The following KCNQ1 variants were observed in gnomAD, a reference collection of about 807,000 sequenced individuals.
The protein encoded by KCNQ1 is potassium voltage-gated channel subfamily Q member 1.
In KCNQ1, 49 loss-of-function variants were observed where a neutral mutation model predicts 72.4. That is an observed-to-expected ratio of 0.68 (90% CI 0.54 to 0.86). The LOEUF is 0.86. KCNQ1 is among the 40% of genes least tolerant of loss of function. The pLI is 0.00. For missense variants in KCNQ1, 790 were observed against 945.1 expected, an observed-to-expected ratio of 0.84 and a Z score of 2.15; for synonymous variants, 450 against 412.6, an observed-to-expected ratio of 1.09 and a Z score of -1.10.
rs1252432270 is a variant in KCNQ1, at chr11:2,826,495, C to T, written c.1795-21272C>T. Among the ~76,000 whole-genome samples, 3 of 152,218 alleles carry T rather than the reference C, an allele frequency of 2.0e-5. No homozygotes were observed. Among genetic ancestry groups the T allele is most frequent in the Admixed American group, 6.5e-5 (1 of 15,282 alleles). On this transcript the variant is annotated intron_variant, in intron 15 of 15. Transcript: ENST00000155840. The surrounding 1 kb of genome is among the most constrained non-coding windows in gnomAD (Gnocchi z 4.2). Reference sequence around the variant, plus strand: ...ACTCAGGCAGACCCGGCGTTGGGTGCGCCAGGCCGGTGTGGGAGCACTTTC... The same window carrying T: ...ACTCAGGCAGACCCGGCGTTGGGTGTGCCAGGCCGGTGTGGGAGCACTTTC...
intron 1 of KCNQ1, among the ~76,000 whole-genome samples, chr11:2,453,037 G>C (rs548097594): frequency 6.6e-6 from 1 of 152,346 alleles, no homozygotes; most frequent in African/African-American, 2.4e-5. Context: ...TGACTTGAAT[G>C]CTAGATGCGT....
Position 2,813,611 on chromosome 11 carries a change from G to C in KCNQ1, c.1795-34156G>C, listed in dbSNP as rs987432716. Among the ~76,000 whole-genome samples, 1 of 152,094 alleles carries C rather than the reference G, an allele frequency of 6.6e-6. No homozygotes were observed. Among genetic ancestry groups the C allele is most frequent in the African/African-American group, 2.4e-5 (1 of 41,416 alleles). On this transcript the variant is annotated intron_variant, in intron 15 of 15. Transcript: ENST00000155840. This position sits in a 1 kb window ranked among gnomAD's most constrained non-coding sequence, Gnocchi z 4.4. Reference sequence around the variant, plus strand: ...GAGGGGGCAGGGACTCAAAGGATGAGAGAAGGAACAGAGGGGAGGACCAAC... The same window carrying C: ...GAGGGGGCAGGGACTCAAAGGATGACAGAAGGAACAGAGGGGAGGACCAAC...
At chr11:2,656,216 A>G in intron 10 of KCNQ1, 1 of 398,620 alleles carries the variant, frequency 2.5e-6, no homozygotes, top group East Asian at 3.6e-5. Flanking sequence ...TCCTGGATGA[A>G]GTTTTAGCTC....
At chr11:2,480,792 A>G (rs1846639170) in intron 1 of KCNQ1, among the ~76,000 whole-genome samples, 1 of 150,062 alleles carries the variant, frequency 6.7e-6, no homozygotes, top group African/African-American at 2.4e-5. Flanking sequence ...CAACAGTACC[A>G]CATGGTTACA....
chr11:2,632,143 A>T, intron 10 of KCNQ1: 1 of 390,794 alleles, frequency 2.6e-6, no homozygotes, highest in Non-Finnish European at 4.4e-6. Context: ...AGATCGCGCC[A>T]CTACACTCTA....
chr11:2,646,100 T>A (rs1309118880), intron 10 of KCNQ1: 1 of 398,670 alleles, frequency 2.5e-6, no homozygotes, highest in Non-Finnish European at 4.4e-6. Context: ...ACTCCCCTCT[T>A]ATCCCTTGCA....
At position 2,497,861 on chromosome 11, in the gene KCNQ1, G is replaced by T. The variant is rs541845046; in HGVS notation, c.387-30067G>T. On this transcript the variant is annotated intron_variant, in intron 1 of 15. Coordinates refer to ENST00000155840, the MANE Select transcript of KCNQ1 (RefSeq NM_000218.3). This position sits in a 1 kb window ranked among gnomAD's most constrained non-coding sequence, Gnocchi z 4.5. ...TTTGGATGGGGTTTTTGTGTGGGGG[G>T]TCCCTTTTGTTGATGTTGATTTTGT... Among the ~76,000 whole-genome samples, 2 of 152,226 alleles carry T rather than the reference G, an allele frequency of 1.3e-5. No individual in the cohort carries two copies. Among genetic ancestry groups the T allele is most frequent in the East Asian group, 1.9e-4 (1 of 5,170 alleles).
intron 15 of KCNQ1, among the ~76,000 whole-genome samples, chr11:2,829,266 C>G (rs1847897103): frequency 6.6e-6 from 1 of 152,094 alleles, no homozygotes; most frequent in Non-Finnish European, 1.5e-5. Context: ...GCTCAGCATG[C>G]CTACAGTGCA....
chr11:2,641,157 G>C (rs891763835), intron 10 of KCNQ1: 5 of 398,350 alleles, frequency 1.3e-5, no homozygotes, highest in Non-Finnish European at 2.2e-5. Context: ...TTAGTATACT[G>C]ATATCTTTTC....
rs1207378893 is a variant in KCNQ1, at chr11:2,678,083, A to G, written c.1514+16002A>G. On this transcript the variant is annotated intron_variant, in intron 11 of 15. Coordinates refer to ENST00000155840, the MANE Select transcript of KCNQ1 (RefSeq NM_000218.3). The surrounding 1 kb of genome is among the most constrained non-coding windows in gnomAD (Gnocchi z 4.9). ...TGGACTTTGTAAAATACCTTGTCTT[A>G]CTGATTTGTAGAAACTTGCTTTGTC... 1 of 398,216 alleles carries G rather than the reference A, an allele frequency of 2.5e-6. No individual in the cohort carries two copies. The highest frequency in any genetic ancestry group is 4.4e-6 in the Non-Finnish European group (1 of 225,974). The allele number at this position is 398,216 out of a possible 1,614,324, so 24.7% of individuals were successfully genotyped here.
In KCNQ1 at chr11:2,588,947, G is replaced by A; in HGVS notation, c.1393+93G>A. On this transcript the variant is annotated intron_variant, in intron 10 of 15. Transcript: ENST00000155840. The surrounding 1 kb of genome is among the most constrained non-coding windows in gnomAD (Gnocchi z 5.6). ...GCAAGCCAGTGAGTTTCTCCCTTGG[G>A]CTGTGGTCTCTGACAACGAGGTATG... 1 of 1,459,862 alleles carries A rather than the reference G, an allele frequency of 6.8e-7. No individual in the cohort carries two copies. The highest frequency in any genetic ancestry group is 1.2e-5 in the South Asian group (1 of 84,630). The allele number at this position is 1,459,862 out of a possible 1,614,324, so 90.4% of individuals were successfully genotyped here.
In KCNQ1 at chr11:2,736,125, T is replaced by C. The variant is rs78942474; in HGVS notation, c.1515-32719T>C. Among the ~76,000 whole-genome samples, 1,448 of 152,212 alleles carry C rather than the reference T, an allele frequency of 9.5e-3. 21 individuals carry two copies. The highest frequency in any genetic ancestry group is 0.033 in the African/African-American group (1,375 of 41,538). On this transcript the variant is annotated intron_variant, in intron 11 of 15. Transcript: ENST00000155840. ...TACTTTAGATGCCAGAGGGGGCTCA[T>C]TGGGCAGAACCTACCTGGGAAGGGG... is the stretch of plus-strand genomic sequence containing the variant.
Position 2,828,397 on chromosome 11 carries a change from T to C in KCNQ1, c.1795-19370T>C, listed in dbSNP as rs1255404584. On this transcript the variant is annotated intron_variant, in intron 15 of 15. Transcript: ENST00000155840. This position sits in a 1 kb window ranked among gnomAD's most constrained non-coding sequence, Gnocchi z 5.3. ...CATGAAAAACATGGAAACATGTAAA[T>C]CAACTAGGGTAAAGTGGTCAGGAGA... is the stretch of plus-strand genomic sequence containing the variant. Among the ~76,000 whole-genome samples the C allele has an allele frequency of 6.6e-6, 1 of 152,000 alleles. No homozygotes were observed. The highest frequency in any genetic ancestry group is 1.5e-5 in the Non-Finnish European group (1 of 68,004).
intron 1 of KCNQ1, among the ~76,000 whole-genome samples, chr11:2,500,857 C>T (rs1459697922): frequency 2.2e-5 from 2 of 89,838 alleles, no homozygotes; most frequent in African/African-American, 9.5e-5. Flanking sequence ...GGGAACATCA[C>T]ACACCGGGGT....
chr11:2,802,309 T>C (rs1847284578), intron 15 of KCNQ1, among the ~76,000 whole-genome samples: 1 of 152,212 alleles, frequency 6.6e-6, no homozygotes, highest in Admixed American at 6.5e-5. Flanking sequence ...GCTCCGGCCC[T>C]GTCGCCAGCC....
chr11:2,656,813 A>G (rs942152722), intron 10 of KCNQ1: 6 of 398,506 alleles, frequency 1.5e-5, no homozygotes, highest in Admixed American at 1.3e-4. Context: ...ATATTCTTCT[A>G]TATTCAGTCA....
chr11:2,483,608 A>T lies in KCNQ1; in HGVS notation c.386+38124A>T, dbSNP rs1846688649. On this transcript the variant is annotated intron_variant, in intron 1 of 15. Coordinates refer to ENST00000155840, the MANE Select transcript of KCNQ1 (RefSeq NM_000218.3). The surrounding 1 kb of genome is among the most constrained non-coding windows in gnomAD (Gnocchi z 6.1). ...CGTGACCTTGATGTTTTAGATAAGT[A>T]CTGGGCGGCTGTTTTGTAGAACGTC... 6.6e-6 allele frequency among the ~76,000 whole-genome samples: 1 copy of T among 152,156 alleles called. No individual in the cohort carries two copies. Among genetic ancestry groups the T allele is most frequent in the South Asian group, 2.1e-4 (1 of 4,822 alleles).
At position 2,537,351 on chromosome 11, in the gene KCNQ1, CTATT is replaced by C. The variant is rs1564810021; in HGVS notation, c.477+9340_477+9343del. On this transcript the variant is annotated intron_variant, in intron 2 of 15. Transcript: ENST00000155840. The surrounding 1 kb of genome is among the most constrained non-coding windows in gnomAD (Gnocchi z 5.2). ...GACCTTCCAGGAAAGGTTTGCCACG[CTATT>C]TATTTAGCAGGATAATTTTGGAAAG... 6.6e-6 allele frequency among the ~76,000 whole-genome samples: 1 copy of C among 152,078 alleles called. No homozygotes were observed. Among genetic ancestry groups the C allele is most frequent in the Admixed American group, 6.5e-5 (1 of 15,280 alleles).
chr11:2,633,161 G>A (rs867015520), intron 10 of KCNQ1: 3 of 398,350 alleles, frequency 7.5e-6, no homozygotes, highest in African/African-American at 6.2e-5. Context: ...TTTCTGTGAT[G>A]AGAGATGTTG....
Sources: gnomAD v4.1 joint callset for allele counts (sites outside exome capture counted in the v4.1 genomes callset) on GRCh38, gnomAD v4.1.1 for gene constraint, Gnocchi (gnomAD v3.1) non-coding constraint, MANE v1.5 for transcripts, NCBI Gene and HGNC (gene_info 2026-07-23, HGNC 2026-07-21) for gene names.